The following NUP107 variants were observed in gnomAD, a reference collection of about 807,000 sequenced individuals.
NUP107 encodes the protein nucleoporin 107, also known as nuclear pore complex protein Nup107.
In NUP107, 101 loss-of-function variants were observed where a neutral mutation model predicts 141.0. The ratio of observed to expected loss-of-function variants is 0.72; its 90% CI spans 0.61 to 0.84. The LOEUF (loss-of-function observed/expected upper bound fraction) is 0.84. Among genes scored for constraint, NUP107 ranks in the 40% least tolerant of loss-of-function variants. The pLI is 0.00. For synonymous variants in NUP107, 319 were observed against 363.9 expected (o/e 0.88, Z 1.41); for missense variants, 941 against 1,102.7 (o/e 0.85, Z 2.08).
Position 68,692,102 on chromosome 12 carries a change from T to C in NUP107, c.438T>C (p.Pro146=). The change falls in exon 5 of 28, where the codon CCT becomes CCC. Residue 146 remains proline, a synonymous_variant. Coordinates refer to ENST00000229179, the MANE Select transcript of NUP107 (RefSeq NM_020401.4). ...ISAVMLREDD[P]GEAASMSMFS... ...CTGTTATGTTACGTGAGGATGATCC[T>C]GGAGAAGCTGGTAAAATGGCATTGA... The C allele has an allele frequency of 6.3e-7, 1 of 1,588,128 alleles. No homozygotes were observed. The highest frequency in any genetic ancestry group is 8.5e-7 in the Non-Finnish European group (1 of 1,172,692).
At chr12:68,696,707 C>G in intron 5 of NUP107, 112 bp from the exon 6 acceptor site, 1 of 621,068 alleles carries the variant, frequency 1.6e-6, no homozygotes. Context: ...GAGTGAAACT[C>G]CATCTCAAAA....
intron 6 of NUP107, among the ~76,000 whole-genome samples, chr12:68,698,019 C>A (rs2136004531): frequency 6.7e-6 from 1 of 148,826 alleles, no homozygotes; most frequent in South Asian, 2.1e-4. Context: ...TAGAGTGAGA[C>A]TCCATCTCAA....
At chr12:68,734,368 A>G in intron 24 of NUP107, among the ~76,000 whole-genome samples, 1 of 152,218 alleles carries the variant, frequency 6.6e-6, no homozygotes, top group South Asian at 2.1e-4. Context: ...AAATCTGTGG[A>G]TAGCACCCTA....
intron 20 of NUP107, among the ~76,000 whole-genome samples, chr12:68,727,809 C>T (rs1357797678): frequency 3.9e-5 from 6 of 151,946 alleles, no homozygotes; most frequent in Admixed American, 3.9e-4. Flanking sequence ...CCTGCATATA[C>T]GAAAAATTGG....
chr12:68,701,746 A>G (rs1375606294), intron 7 of NUP107, among the ~76,000 whole-genome samples: 1 of 152,176 alleles, frequency 6.6e-6, no homozygotes, highest in Non-Finnish European at 1.5e-5. Context: ...ACATGGAAAG[A>G]TATTCATGAC....
intron 1 of NUP107, among the ~76,000 whole-genome samples, chr12:68,688,734 A>G (rs568061401): frequency 6.6e-6 from 1 of 152,230 alleles, no homozygotes; most frequent in Non-Finnish European, 1.5e-5. Flanking sequence ...CATAGTGAGT[A>G]CTAGAAAGTC....
At chr12:68,728,938 C>T (rs1490952486) in intron 20 of NUP107, among the ~76,000 whole-genome samples, 2 of 152,110 alleles carry the variant, frequency 1.3e-5, no homozygotes, top group Non-Finnish European at 2.9e-5. Flanking sequence ...AAGCAATTCA[C>T]CTTTTTCTTG....
chr12:68,706,506 G>A, intron 8 of NUP107: 2 of 686,742 alleles, frequency 2.9e-6, no homozygotes, highest in Non-Finnish European at 5.4e-6. Flanking sequence ...TGCAGACGCT[G>A]GCTTGGAAGC....
chr12:68,742,490 C>A lies in NUP107; in HGVS notation c.*28C>A. 1 of 1,229,690 alleles carries A rather than the reference C, an allele frequency of 8.1e-7. No individual in the cohort carries two copies. The highest frequency in any genetic ancestry group is 1.1e-6 in the Non-Finnish European group (1 of 872,464). 76.2% of individuals were successfully genotyped at this position (1,229,690 alleles called of 1,614,324 possible). A position where few individuals can be genotyped will look rare whatever the true frequency, so the allele number is the denominator to read the frequency against. On this transcript the variant is annotated 3_prime_UTR_variant, in exon 28 of 28. Coordinates refer to ENST00000229179, the MANE Select transcript of NUP107 (RefSeq NM_020401.4). ...TAATCTTTGTAATCTCACTAATTTT[C>A]ATGATAAATGAAGTTTTTAATAAAA... is the stretch of plus-strand genomic sequence containing the variant.
intron 11 of NUP107, 155 bp downstream of exon 11, chr12:68,713,963 T>A (rs1230805036): frequency 6.8e-6 from 4 of 588,866 alleles, no homozygotes; most frequent in South Asian, 2.2e-5. Context: ...TGGAATCTGA[T>A]GGAATATATT....
intron 8 of NUP107, among the ~76,000 whole-genome samples, chr12:68,703,270 C>T (rs1876422036): frequency 6.6e-6 from 1 of 152,086 alleles, no homozygotes; most frequent in South Asian, 2.1e-4. Flanking sequence ...AGGTAAAAGT[C>T]CCTTTTTATC....
At chr12:68,734,467 G>A (rs529479383) in intron 24 of NUP107, among the ~76,000 whole-genome samples, 19 of 152,222 alleles carry the variant, frequency 1.2e-4, no homozygotes, top group Admixed American at 5.2e-4. Context: ...ATACATATAC[G>A]ATCAGGGTGC....
chr12:68,687,423 T>C, intron 1 of NUP107: 1 of 1,084,954 alleles, frequency 9.2e-7, no homozygotes, highest in Non-Finnish European at 1.1e-6. Context: ...TCAGTGAAGA[T>C]ACTGGGATCT....
intron 20 of NUP107, 95 bp from the exon 21 acceptor site, chr12:68,731,015 C>A: frequency 4.2e-6 from 3 of 710,720 alleles, no homozygotes; most frequent in Non-Finnish European, 6.6e-6. Flanking sequence ...AACACAAATC[C>A]ACATCTGTAT....
chr12:68,720,035 T>G (rs1289616074), intron 14 of NUP107, among the ~76,000 whole-genome samples: 1 of 152,098 alleles, frequency 6.6e-6, no homozygotes, highest in Non-Finnish European at 1.5e-5. Context: ...CAAAGTAAGG[T>G]GGGTCTACCA....
At position 68,734,843 on chromosome 12, in the gene NUP107, A is replaced by C. The variant is rs759652002; in HGVS notation, c.2388+10A>C. ...AGAAAAGAAATATGAAGTAAGTTAAATATGGATCTAGGATGTGCCTACTGC... is the reference window on the plus strand; with the variant it reads ...AGAAAAGAAATATGAAGTAAGTTAACTATGGATCTAGGATGTGCCTACTGC... On this transcript the variant is annotated intron_variant, in intron 25 of 27. Transcript: ENST00000229179. The C allele has an allele frequency of 2.5e-5, 41 of 1,610,832 alleles. No individual in the cohort carries two copies. The highest frequency in any genetic ancestry group is 8.9e-5 in the South Asian group (8 of 90,220).
intron 1 of NUP107, among the ~76,000 whole-genome samples, 160 bp from the exon 2 acceptor site, chr12:68,688,802 G>A (rs1320235414): frequency 1.3e-5 from 2 of 152,178 alleles, no homozygotes; most frequent in African/African-American, 4.8e-5. Context: ...AGCAGGATTT[G>A]GAGCCAGGAG....
chr12:68,726,965 A>G (rs1258676457), intron 19 of NUP107, among the ~76,000 whole-genome samples: 1 of 152,210 alleles, frequency 6.6e-6, no homozygotes, highest in African/African-American at 2.4e-5. Context: ...TTTTTTTCTA[A>G]AAAAGAAGAT....
At chr12:68,710,156 A>G (rs564442740) in intron 10 of NUP107, 63 bp downstream of exon 10, 12 of 856,776 alleles carry the variant, frequency 1.4e-5, no homozygotes, top group African/African-American at 1.3e-4. Flanking sequence ...TCATCTTTCA[A>G]TAAGTATTAT....
Sources: allele counts gnomAD v4.1 joint callset (sites outside exome capture counted in the v4.1 genomes callset), GRCh38; gene constraint gnomAD v4.1.1; transcripts MANE v1.5; gene names NCBI Gene and HGNC (gene_info 2026-07-23, HGNC 2026-07-21).